The following NXPE2 variants were observed in gnomAD, a reference collection of about 807,000 sequenced individuals.
The protein encoded by NXPE2 is NXPE family member 2.
A neutral mutation model predicts 34.4 loss-of-function variants in NXPE2; 34 were observed. The observed-to-expected ratio is 0.99, with a 90% CI of 0.75 to 1.31. NXPE2 has a LOEUF of 1.31. Among genes scored for constraint, NXPE2 ranks in the 40% most tolerant of loss-of-function variants. NXPE2 has a pLI of 0.00. For missense variants in NXPE2, 649 were observed against 672.5 expected, an observed-to-expected ratio of 0.97 and a Z score of 0.39; for synonymous variants, 235 against 231.3, an observed-to-expected ratio of 1.02 and a Z score of -0.15.
the NXPE2 span, among the ~76,000 whole-genome samples, chr11:114,606,141 A>G: frequency 1.3e-4 from 20 of 151,852 alleles, 1 homozygote; most frequent in African/African-American, 4.8e-4. Flanking sequence ...TCTCTAGGGT[A>G]ACCACTGTTA....
the NXPE2 span, among the ~76,000 whole-genome samples, chr11:114,515,935 A>T: frequency 6.6e-6 from 1 of 152,236 alleles, no homozygotes; most frequent in Non-Finnish European, 1.5e-5. Context: ...TTGGGAAAAG[A>T]TGAAGATTTA....
chr11:114,483,567 T>G, the NXPE2 span, among the ~76,000 whole-genome samples: 3 of 152,216 alleles, frequency 2.0e-5, no homozygotes, highest in Admixed American at 1.3e-4. Flanking sequence ...CACATAGAGT[T>G]AAAATTGATC....
chr11:114,550,707 G>T, the NXPE2 span, among the ~76,000 whole-genome samples: 1 of 152,062 alleles, frequency 6.6e-6, no homozygotes, highest in African/African-American at 2.4e-5. Flanking sequence ...CATGTTATAA[G>T]GGAAACAGTA....
the NXPE2 span, among the ~76,000 whole-genome samples, chr11:114,797,802 T>C: frequency 3.3e-5 from 5 of 152,204 alleles, no homozygotes; most frequent in African/African-American, 4.8e-5. Flanking sequence ...TATATTATAA[T>C]ACTGTGGTTG....
At chr11:114,508,021 G>A in the NXPE2 span, among the ~76,000 whole-genome samples, 1 of 152,116 alleles carries the variant, frequency 6.6e-6, no homozygotes, top group Non-Finnish European at 1.5e-5. Flanking sequence ...AGCTTCTTAA[G>A]CTGTTAAAAG....
the NXPE2 span, among the ~76,000 whole-genome samples, chr11:114,791,033 G>GA: frequency 6.6e-6 from 1 of 151,908 alleles, no homozygotes; most frequent in African/African-American, 2.4e-5. Flanking sequence ...ACAAAGAGGA[G>GA]ATGGAGGTGG....
chr11:114,617,622 C>A, the NXPE2 span, among the ~76,000 whole-genome samples: 1 of 152,054 alleles, frequency 6.6e-6, no homozygotes, highest in Non-Finnish European at 1.5e-5. Flanking sequence ...TTTAGGGTAA[C>A]CACTGTTACC....
the NXPE2 span, chr11:114,583,550 T>C: frequency 1.2e-5 from 7 of 600,432 alleles, no homozygotes; most frequent in Admixed American, 3.7e-5. Context: ...TAGTGAGGAC[T>C]GTCCAGCATT....
At chr11:114,470,753 G>A in the NXPE2 span, among the ~76,000 whole-genome samples, 2 of 152,194 alleles carry the variant, frequency 1.3e-5, no homozygotes, top group African/African-American at 2.4e-5. Context: ...TCCAAAGGCT[G>A]GAGGTATAAT....
the NXPE2 span, among the ~76,000 whole-genome samples, chr11:114,515,782 TCAGG>T: frequency 1.0e-5 from 1 of 98,872 alleles, no homozygotes; most frequent in Admixed American, 1.0e-4. Context: ...GTAGAGCAAT[TCAGG>T]TGATAACAGG....
the NXPE2 span, chr11:114,571,132 A>G: frequency 6.2e-7 from 1 of 1,613,916 alleles, no homozygotes; most frequent in Non-Finnish European, 8.5e-7. Flanking sequence ...GCATCATTGT[A>G]CATCTCCCTG....
the NXPE2 span, among the ~76,000 whole-genome samples, chr11:114,566,151 A>G: frequency 6.6e-6 from 1 of 152,228 alleles, no homozygotes; most frequent in Admixed American, 6.5e-5. Flanking sequence ...GCAATTAGAT[A>G]TGCAAGTCCT....
chr11:114,583,044 A>G, the NXPE2 span: 1 of 1,584,254 alleles, frequency 6.3e-7, no homozygotes, highest in Non-Finnish European at 8.6e-7. Flanking sequence ...CAAATGTGAC[A>G]TGAGATGGAT....
chr11:114,527,839 C>T, the NXPE2 span: 1 of 1,604,044 alleles, frequency 6.2e-7, no homozygotes, highest in South Asian at 1.1e-5. Context: ...AGCCAACTTA[C>T]TGTTACAATT....
the NXPE2 span, chr11:114,583,267 G>T: frequency 1.5e-6 from 1 of 656,982 alleles, no homozygotes; most frequent in South Asian, 1.7e-5. Context: ...CGCAAAGGCA[G>T]GGCACCAGGA....
At chr11:114,545,997 C>G in the NXPE2 span, among the ~76,000 whole-genome samples, 1 of 151,934 alleles carries the variant, frequency 6.6e-6, no homozygotes, top group Admixed American at 6.6e-5. Flanking sequence ...CTGAGTGAAT[C>G]TTAATGTATG....
chr11:114,534,835 G>A, the NXPE2 span, among the ~76,000 whole-genome samples: 4 of 152,166 alleles, frequency 2.6e-5, no homozygotes, highest in South Asian at 8.3e-4. Context: ...GGGGAGAATG[G>A]AACCAAGTTG....
chr11:114,597,572 T>C, the NXPE2 span, among the ~76,000 whole-genome samples: 1 of 152,204 alleles, frequency 6.6e-6, no homozygotes, highest in Admixed American at 6.5e-5. Context: ...GCTCTGTCCA[T>C]AGAGAAGCCC....
At chr11:114,610,967 T>C in the NXPE2 span, among the ~76,000 whole-genome samples, 4 of 151,992 alleles carry the variant, frequency 2.6e-5, no homozygotes, top group Non-Finnish European at 2.9e-5. Context: ...TAATAAGTGT[T>C]GCCTCGTGGG....
Sources: gnomAD v4.1 joint callset for allele counts (sites outside exome capture counted in the v4.1 genomes callset) on GRCh38, gnomAD v4.1.1 for gene constraint, MANE v1.5 for transcripts, NCBI Gene and HGNC (gene_info 2026-07-23, HGNC 2026-07-21) for gene names.